The following BICC1 variants were observed in gnomAD, a reference collection of about 807,000 sequenced individuals.
BICC1 encodes protein bicaudal C homolog 1.
BICC1 carries 43 observed loss-of-function variants against 111.0 expected under a neutral mutation model. The observed-to-expected ratio is 0.39, with a 90% confidence interval of 0.30 to 0.50. The LOEUF (loss-of-function observed/expected upper bound fraction) is 0.50. BICC1 is among the 20% of genes least tolerant of loss of function. BICC1 has a pLI of 0.88. For synonymous variants in BICC1, 467 were observed against 434.4 expected, an observed-to-expected ratio of 1.07 and a Z score of -0.93; for missense variants, 1,091 against 1,203.2, an observed-to-expected ratio of 0.91 and a Z score of 1.38.
intron 3 of BICC1, among the ~76,000 whole-genome samples, chr10:58,712,791 ATTTG>A (rs1840617872): frequency 1.3e-5 from 2 of 152,156 alleles, no homozygotes; most frequent in Non-Finnish European, 2.9e-5. Context: ...GTCATTGTAC[ATTTG>A]TCAAGGCCCA....
At chr10:58,688,974 C>A (rs989674301) in intron 2 of BICC1, among the ~76,000 whole-genome samples, 6 of 152,070 alleles carry the variant, frequency 3.9e-5, no homozygotes, top group African/African-American at 1.4e-4. Context: ...CACATGTATA[C>A]CTGTGTAACA....
Position 58,676,079 on chromosome 10 carries a change from G to A in BICC1, c.238-25995G>A, listed in dbSNP as rs553775095. Among the ~76,000 whole-genome samples the A allele has an allele frequency of 2.6e-5, 4 of 152,226 alleles. No homozygotes were observed. In the South Asian group the frequency reaches 8.3e-4, roughly 32 times the overall value. On this transcript the variant is annotated intron_variant, in intron 2 of 20. Coordinates refer to ENST00000373886, the MANE Select transcript of BICC1 (RefSeq NM_001080512.3). ...CCAAGGGAAGCTATGAGTGAGGGAT[G>A]GTGCTATCTGGCCCAGATACTACAT...
chr10:58,546,471 C>T (rs190752293), intron 1 of BICC1, among the ~76,000 whole-genome samples: 134 of 152,230 alleles, frequency 8.8e-4, no homozygotes, highest in African/African-American at 2.9e-3. Flanking sequence ...GTTCAGATTA[C>T]GAAAAATATT....
At chr10:58,531,630 G>A (rs1008465937) in intron 1 of BICC1, among the ~76,000 whole-genome samples, 1 of 151,744 alleles carries the variant, frequency 6.6e-6, no homozygotes, top group Non-Finnish European at 1.5e-5. Flanking sequence ...AGTTTAAAAG[G>A]AACATTTTAA....
At chr10:58,618,240 G>T (rs894917806) in intron 1 of BICC1, among the ~76,000 whole-genome samples, 3 of 152,188 alleles carry the variant, frequency 2.0e-5, no homozygotes, top group Admixed American at 2.0e-4. Flanking sequence ...TGGCCTAGGG[G>T]GTGGAGTGTA....
rs1486887897 is a variant in BICC1 at position 58,823,366 on chromosome 10, T to C, written c.2794+2898T>C. The C allele has an allele frequency of 9.1e-6, 9 of 985,226 alleles. No individual in the cohort carries two copies. In the African/African-American group the frequency reaches 1.2e-4, roughly 13 times the overall value. The allele number at this position is 985,226 out of a possible 1,614,324, so 61.0% of individuals were successfully genotyped here. ...AAAAATATTAGAGGAGTTTGCCTTATCATTTAAACAACAACAACAGCAATT... is the reference window on the plus strand; with the variant it reads ...AAAAATATTAGAGGAGTTTGCCTTACCATTTAAACAACAACAACAGCAATT... On this transcript the variant is annotated intron_variant, in intron 20 of 20. Coordinates refer to ENST00000373886, the MANE Select transcript of BICC1 (RefSeq NM_001080512.3).
Position 58,803,210 on chromosome 10 carries a change from C to A in BICC1, c.2149C>A (p.Leu717Ile). Residue 717 changes from leucine to isoleucine, a missense_variant, in exon 15 of 21, where the codon CTT (leucine) becomes ATT (isoleucine). Coordinates refer to ENST00000373886, the MANE Select transcript of BICC1 (RefSeq NM_001080512.3). ...AAQQNSERAH[L>I]APRSSYVNMQ... is the part of the protein sequence containing the mutation. ...CCAGCAAAACTCCGAAAGGGCCCAC[C>A]TTGCTCCACGGTCATCATATGTCAA... The A allele has an allele frequency of 6.2e-7, 1 of 1,607,824 alleles. No individual in the cohort carries two copies. Among genetic ancestry groups the A allele is most frequent in the South Asian group, 1.1e-5 (1 of 89,298 alleles).
intron 2 of BICC1, among the ~76,000 whole-genome samples, chr10:58,631,079 T>G (rs1837779573): frequency 6.6e-6 from 1 of 152,208 alleles, no homozygotes; most frequent in Non-Finnish European, 1.5e-5. Flanking sequence ...AGTGCTGTCC[T>G]TTTATGTTAC....
intron 3 of BICC1, among the ~76,000 whole-genome samples, chr10:58,702,416 A>G (rs1414264061): frequency 1.3e-5 from 2 of 152,226 alleles, no homozygotes; most frequent in Admixed American, 1.3e-4. Context: ...ATTGATATCC[A>G]TGAGTCATGG....
chr10:58,630,150 C>T (rs1837749431), intron 2 of BICC1, among the ~76,000 whole-genome samples: 1 of 152,076 alleles, frequency 6.6e-6, no homozygotes, highest in Admixed American at 6.5e-5. Context: ...CCAGACTCAT[C>T]TCTATTGAGT....
intron 3 of BICC1, among the ~76,000 whole-genome samples, chr10:58,704,482 T>G (rs368955083): frequency 2.0e-5 from 3 of 152,210 alleles, no homozygotes; most frequent in African/African-American, 7.2e-5. Flanking sequence ...AATGATTCAC[T>G]TCAGAGATGC....
chr10:58,769,400 G>GTCTATATATATATATATA (rs1202556984), intron 3 of BICC1, among the ~76,000 whole-genome samples: 1 of 106,564 alleles, frequency 9.4e-6, no homozygotes, highest in Non-Finnish European at 2.1e-5. Flanking sequence ...GTGTGTGTGT[G>GTCTATATATATATATATA]TGTGTATATA....
intron 13 of BICC1, 140 bp downstream of exon 13, chr10:58,800,466 C>T: frequency 1.3e-6 from 1 of 779,260 alleles, no homozygotes; most frequent in Non-Finnish European, 1.9e-6. Flanking sequence ...GGAAAGACAA[C>T]ATCCTGAATA....
At chr10:58,541,371 A>AAG (rs1842976361) in intron 1 of BICC1, among the ~76,000 whole-genome samples, 4 of 152,124 alleles carry the variant, frequency 2.6e-5, no homozygotes, top group Non-Finnish European at 5.9e-5. Context: ...AGGACACAAA[A>AAG]TCAACACACA....
At chr10:58,661,692 GTTTAA>G (rs1296867782) in intron 2 of BICC1, among the ~76,000 whole-genome samples, 1 of 152,168 alleles carries the variant, frequency 6.6e-6, no homozygotes, top group Non-Finnish European at 1.5e-5. Context: ...TGTGGCAAAA[GTTTAA>G]TTTAGGTCAT....
intron 1 of BICC1, among the ~76,000 whole-genome samples, chr10:58,609,651 C>T (rs1564511559): frequency 6.6e-6 from 1 of 152,054 alleles, no homozygotes; most frequent in East Asian, 1.9e-4. Context: ...TTTTCAAAAT[C>T]CTGTTTGCAT....
In BICC1 at chr10:58,697,099, G is replaced by T. The variant is rs567801647; in HGVS notation, c.238-4975G>T. 4.9e-4 allele frequency among the ~76,000 whole-genome samples: 75 copies of T among 152,294 alleles called. 1 individual carries two copies. Among genetic ancestry groups the T allele is most frequent in the Admixed American group, 5.2e-4 (8 of 15,296 alleles). On this transcript the variant is annotated intron_variant, in intron 2 of 20. Transcript: ENST00000373886. ...AGGTAACATTTCACACAACTGGGAG[G>T]CATCAGCGTCATATTTTGGGTGGGG...
chr10:58,673,745 C>A (rs1839251991), intron 2 of BICC1, among the ~76,000 whole-genome samples: 1 of 152,150 alleles, frequency 6.6e-6, no homozygotes, highest in African/African-American at 2.4e-5. Flanking sequence ...CCTCAGCTTC[C>A]CCGAGTAGCT....
intron 1 of BICC1, among the ~76,000 whole-genome samples, chr10:58,595,986 G>T (rs559351175): frequency 4.7e-4 from 72 of 152,134 alleles, no homozygotes; most frequent in African/African-American, 1.7e-3. Context: ...TAAGAAAGGA[G>T]AGAAGACTCA....
Sources: gnomAD v4.1 joint callset for allele counts (sites outside exome capture counted in the v4.1 genomes callset) on GRCh38, gnomAD v4.1.1 for gene constraint, MANE v1.5 for transcripts, NCBI Gene and HGNC (gene_info 2026-07-23, HGNC 2026-07-21) for gene names.